Variants in PLEKHG1 observed in about 807,000 individuals in gnomAD.
PLEKHG1 encodes the protein pleckstrin homology domain-containing family G member 1.
PLEKHG1 carries 44 observed loss-of-function variants against 100.8 expected under a neutral mutation model. That is an observed-to-expected ratio of 0.44 (90% CI 0.34 to 0.56). The LOEUF is 0.56. Among genes scored for constraint, PLEKHG1 ranks in the 20% least tolerant of loss-of-function variants. The probability of loss-of-function intolerance (pLI) is 0.01; values close to 1 mark genes in which losing one functional copy is unlikely to be tolerated. For missense variants in PLEKHG1, 1,545 were observed against 1,720.9 expected, an observed-to-expected ratio of 0.90 and a Z score of 1.81; for synonymous variants, 640 against 662.5, an observed-to-expected ratio of 0.97 and a Z score of 0.52.
At chr6:150,690,599 A>G (rs1780317397) in intron 3 of PLEKHG1, among the ~76,000 whole-genome samples, 1 of 152,198 alleles carries the variant, frequency 6.6e-6, no homozygotes, top group Middle Eastern at 3.2e-3. Context: ...TCAGCACACT[A>G]AGACATGCCC....
chr6:150,802,662 T>A (rs1786777663), intron 6 of PLEKHG1, among the ~76,000 whole-genome samples: 1 of 76,802 alleles, frequency 1.3e-5, no homozygotes. Context: ...GTCATTCACA[T>A]CATTTTTTTT....
At chr6:150,747,176 A>G (rs1329286571) in intron 2 of PLEKHG1, among the ~76,000 whole-genome samples, 1 of 152,216 alleles carries the variant, frequency 6.6e-6, no homozygotes, top group Non-Finnish European at 1.5e-5. Flanking sequence ...ATTCAATTAT[A>G]CTGAGTGGGT....
intron 14 of PLEKHG1, among the ~76,000 whole-genome samples, chr6:150,827,303 G>C (rs1776664383): frequency 6.9e-6 from 1 of 144,728 alleles, no homozygotes; most frequent in Admixed American, 6.9e-5. Context: ...TTGAGATAGA[G>C]TTTCGCTCTT....
chr6:150,634,457 G>A (rs1299703374), intron 1 of PLEKHG1, among the ~76,000 whole-genome samples: 1 of 152,146 alleles, frequency 6.6e-6, no homozygotes, highest in Non-Finnish European at 1.5e-5. Flanking sequence ...TATGCCCTCA[G>A]TATGTTATCC....
chr6:150,828,241 G>A, intron 14 of PLEKHG1: 1 of 1,613,700 alleles, frequency 6.2e-7, no homozygotes, highest in Non-Finnish European at 8.5e-7. Context: ...GACAAGAGAT[G>A]AGTTGGAATG....
At chr6:150,842,036 A>ATT (rs1325483505) in exon 16 of PLEKHG1, 1 of 152,198 alleles carries the variant, frequency 6.6e-6, no homozygotes, top group African/African-American at 2.4e-5. Flanking sequence ...TGACTAATAA[A>ATT]TAACACCTTT....
At chr6:150,818,111 A>G in intron 10 of PLEKHG1, 72 bp from the exon 12 acceptor site, 1 of 1,093,164 alleles carries the variant, frequency 9.1e-7, no homozygotes, top group Non-Finnish European at 1.4e-6. Context: ...GTGGGATAAG[A>G]TCTGTGTTGA....
intron 3 of PLEKHG1, among the ~76,000 whole-genome samples, chr6:150,689,042 T>C (rs181880663): frequency 6.6e-6 from 1 of 152,340 alleles, no homozygotes; most frequent in East Asian, 1.9e-4. Flanking sequence ...TGTTCTCCTC[T>C]TGTCCTGTCT....
At chr6:150,810,160 A>G (rs1355357362) in intron 10 of PLEKHG1, among the ~76,000 whole-genome samples, 1 of 151,814 alleles carries the variant, frequency 6.6e-6, no homozygotes, top group Non-Finnish European at 1.5e-5. Context: ...AGCACCCGGC[A>G]TGATGGCACG....
chr6:150,731,962 C>CTTTTTTTTTTTTTT (rs34542836), intron 1 of PLEKHG1, among the ~76,000 whole-genome samples: 1 of 134,412 alleles, frequency 7.4e-6, no homozygotes, highest in African/African-American at 2.7e-5. Context: ...TATTAAGTGA[C>CTTTTTTTTTTTTTT]TTTTTTTTTT....
Position 150,797,594 on chromosome 6 carries a change from G to A in PLEKHG1, c.629+1692G>A, listed in dbSNP as rs148158850. Among the ~76,000 whole-genome samples, 881 of 151,636 alleles carry A rather than the reference G, an allele frequency of 5.8e-3. 1 individual carries two copies. Among genetic ancestry groups the A allele is most frequent in the Non-Finnish European group, 9.2e-3 (627 of 67,932 alleles). On this transcript the variant is annotated intron_variant, in intron 5 of 15. Transcript: ENST00000358517. ...TTATGCCTGTAATCCTAGCACTTTG[G>A]GAGGCCAAGGCAGGCACATCACCTG... is the stretch of plus-strand genomic sequence containing the variant.
intron 1 of PLEKHG1, among the ~76,000 whole-genome samples, chr6:150,629,835 CA>C (rs1777673295): frequency 6.6e-6 from 1 of 151,964 alleles, no homozygotes; most frequent in African/African-American, 2.4e-5. Flanking sequence ...GAAATCAGAC[CA>C]AAATAATAAT....
chr6:150,794,592 A>G (rs1175823774), intron 4 of PLEKHG1, among the ~76,000 whole-genome samples: 1 of 151,942 alleles, frequency 6.6e-6, no homozygotes, highest in Non-Finnish European at 1.5e-5. Flanking sequence ...GCTTGAACCC[A>G]GGAGGCAGAG....
At chr6:150,721,078 T>G, upstream of PLEKHG1, 1 of 867,462 alleles carries the variant, frequency 1.2e-6, no homozygotes, top group Non-Finnish European at 1.4e-6. Flanking sequence ...AGATAAAAGC[T>G]GACTCATGCA....
chr6:150,636,058 C>T (rs1777985002), intron 1 of PLEKHG1, among the ~76,000 whole-genome samples: 1 of 152,120 alleles, frequency 6.6e-6, no homozygotes, highest in South Asian at 2.1e-4. Flanking sequence ...TGGTGAGTTA[C>T]TATTTGCAGA....
intron 15 of PLEKHG1, among the ~76,000 whole-genome samples, chr6:150,833,362 A>G (rs183481652): frequency 3.2e-4 from 48 of 152,298 alleles, no homozygotes; most frequent in East Asian, 9.6e-4. Flanking sequence ...CTACTGCTCA[A>G]TTTTTTAAAA....
chr6:150,757,340 A>G (rs1783901959), intron 2 of PLEKHG1, among the ~76,000 whole-genome samples: 1 of 152,122 alleles, frequency 6.6e-6, no homozygotes, highest in East Asian at 1.9e-4. Flanking sequence ...TGGTGTCCTT[A>G]TTTCAAAATT....
intron 3 of PLEKHG1, chr6:150,663,665 T>C (rs374831838): frequency 6.3e-4 from 96 of 152,068 alleles, no homozygotes; most frequent in African/African-American, 2.2e-3. Flanking sequence ...ATGATTCTTC[T>C]GCCTCAGTCT....
exon 16 of PLEKHG1, chr6:150,840,079 T>A (rs766086954): frequency 6.2e-7 from 1 of 1,614,028 alleles, no homozygotes. Flanking sequence ...ACGTTTGAGA[T>A]CAATACAAAA....
Sources: gnomAD v4.1 joint callset for allele counts (sites outside exome capture counted in the v4.1 genomes callset) on GRCh38, gnomAD v4.1.1 for gene constraint, MANE v1.5 for transcripts, NCBI Gene and HGNC (gene_info 2026-07-23, HGNC 2026-07-21) for gene names.